The following BRF1 variants were observed in gnomAD, a reference collection of about 807,000 sequenced individuals.
The protein encoded by BRF1 is transcription factor IIIB 90 kDa subunit.
In BRF1, 59 loss-of-function variants were observed where a neutral mutation model predicts 81.7. The ratio of observed to expected loss-of-function variants is 0.72; its 90% confidence interval spans 0.59 to 0.90. The LOEUF (loss-of-function observed/expected upper bound fraction) is 0.90. Among genes scored for constraint, BRF1 ranks in the 40% least tolerant of loss-of-function variants. BRF1 has a pLI of 0.00. For missense variants in BRF1, 1,050 were observed against 936.3 expected, an observed-to-expected ratio of 1.12 and a Z score of -1.58; for synonymous variants, 491 against 395.6, an observed-to-expected ratio of 1.24 and a Z score of -2.86.
At chr14:105,252,005 GA>G (rs932330408) in intron 5 of BRF1, among the ~76,000 whole-genome samples, 19 of 152,222 alleles carry the variant, frequency 1.2e-4, no homozygotes, top group Admixed American at 1.0e-3. Context: ...GCTGTGGCTG[GA>G]AAGCACAACC....
chr14:105,274,362 C>T (rs1430296227), intron 2 of BRF1, among the ~76,000 whole-genome samples: 1 of 152,188 alleles, frequency 6.6e-6, no homozygotes, highest in Non-Finnish European at 1.5e-5. Flanking sequence ...TGCCGGTCCC[C>T]TGGCCCCACT....
chr14:105,252,263 C>T, intron 5 of BRF1: 1 of 616,484 alleles, frequency 1.6e-6, no homozygotes, highest in African/African-American at 2.0e-5. Context: ...TCACTTGAGG[C>T]CAGGAGTTTG....
intron 3 of BRF1, among the ~76,000 whole-genome samples, chr14:105,267,424 C>G (rs1005156688): frequency 6.6e-6 from 1 of 152,066 alleles, no homozygotes; most frequent in Non-Finnish European, 1.5e-5. Flanking sequence ...CCACCTCAGC[C>G]TCCCCAGTAG....
At chr14:105,247,914 G>GA (rs2055233361) in intron 5 of BRF1, 2 of 985,386 alleles carry the variant, frequency 2.0e-6, no homozygotes, top group Admixed American at 1.2e-4. Context: ...CCCAGGCCGG[G>GA]AGGCTAGAGG....
chr14:105,224,620 C>G (rs1892799087), intron 10 of BRF1, among the ~76,000 whole-genome samples: 1 of 152,212 alleles, frequency 6.6e-6, no homozygotes. Flanking sequence ...GCAATCATAG[C>G]TCACTGCACA....
At chr14:105,219,313 G>A (rs747623243) in intron 12 of BRF1, 81 bp from the exon 13 acceptor site, 1 of 1,585,188 alleles carries the variant, frequency 6.3e-7, no homozygotes, top group Non-Finnish European at 8.6e-7. Context: ...CCAGCGGGAA[G>A]TATTTCCACC....
rs930993860 is a variant in BRF1, at chr14:105,269,226, C to T, written c.439+3495G>A. Reference sequence around the variant, plus strand: ...CCTGACCCACTTCCCTCTAAAGTGCCGGCAAAGCAGGGGTGGGCTGGGAAG... The same window carrying T: ...CCTGACCCACTTCCCTCTAAAGTGCTGGCAAAGCAGGGGTGGGCTGGGAAG... On this transcript the variant is annotated intron_variant, in intron 3 of 17. Coordinates refer to ENST00000547530, the MANE Select transcript of BRF1 (RefSeq NM_001519.4). The surrounding 1 kb of genome is among the most constrained non-coding windows in gnomAD (Gnocchi z 5.0). Among the ~76,000 whole-genome samples the T allele has an allele frequency of 3.3e-5, 5 of 152,072 alleles. No individual in the cohort carries two copies. Among genetic ancestry groups the T allele is most frequent in the African/African-American group, 1.2e-4 (5 of 41,416 alleles).
At chr14:105,243,641 T>C (rs1016403974) in intron 5 of BRF1, among the ~76,000 whole-genome samples, 1 of 150,956 alleles carries the variant, frequency 6.6e-6, no homozygotes, top group African/African-American at 2.4e-5. Flanking sequence ...TGTACTAATG[T>C]GGGTGAGACT....
intron 7 of BRF1, chr14:105,228,130 CAG>C (rs1399763352): frequency 2.0e-5 from 3 of 152,182 alleles, no homozygotes; most frequent in Non-Finnish European, 4.4e-5. Flanking sequence ...CTCACTGGGA[CAG>C]GGGTCACCTG....
chr14:105,309,267 C>G lies in BRF1; in HGVS notation c.-162+6055G>C, dbSNP rs2058279649. The stretch of plus-strand genomic sequence containing the variant: ...TCTTAATCTTGGGGCTCAGGATAAC[C>G]ACAGTCAAGAGGGGAGAGTTTTATT... On this transcript the variant is annotated intron_variant, in intron 1 of 17. Coordinates refer to the BRF1 transcript ENST00000327359. The surrounding 1 kb of genome is among the most constrained non-coding windows in gnomAD (Gnocchi z 4.0). 6.6e-6 allele frequency among the ~76,000 whole-genome samples: 1 copy of G among 152,138 alleles called. No homozygotes were observed. Among genetic ancestry groups the G allele is most frequent in the Non-Finnish European group, 1.5e-5 (1 of 68,036 alleles).
intron 15 of BRF1, among the ~76,000 whole-genome samples, chr14:105,214,525 C>CGTGGCTCAGCTGCCCACACCCCTGA (rs1566795296): frequency 0.011 from 647 of 58,410 alleles, 6 homozygotes; most frequent in African/African-American, 0.073. Context: ...CACACCCCTG[C>CGTGGCTCAGCTGCCCACACCCCTGA]GTGGCTCAGC....
intron 3 of BRF1, among the ~76,000 whole-genome samples, chr14:105,261,088 G>A (rs2056129408): frequency 6.6e-6 from 1 of 152,234 alleles, no homozygotes; most frequent in Non-Finnish European, 1.5e-5. Flanking sequence ...GCAGAGAAGA[G>A]GCCCTGTCTG....
chr14:105,258,259 T>C (rs1019223435), intron 3 of BRF1, among the ~76,000 whole-genome samples: 1 of 152,080 alleles, frequency 6.6e-6, no homozygotes, highest in African/African-American at 2.4e-5. Flanking sequence ...GAGGCCGAGG[T>C]GGGTGGATCA....
chr14:105,228,194 C>A (rs2054140616), intron 7 of BRF1: 1 of 152,318 alleles, frequency 6.6e-6, no homozygotes, highest in African/African-American at 2.4e-5. Flanking sequence ...GACCAGGCTT[C>A]TGACGTCAAA....
At chr14:105,303,579 G>C (rs186215647), upstream of BRF1, among the ~76,000 whole-genome samples, 1 of 152,254 alleles carries the variant, frequency 6.6e-6, no homozygotes, top group East Asian at 1.9e-4. Flanking sequence ...TGAAATCATT[G>C]ATTTAAGATC....
chr14:105,225,044 C>T (rs760721054), intron 10 of BRF1, among the ~76,000 whole-genome samples: 36 of 152,240 alleles, frequency 2.4e-4, no homozygotes, highest in Non-Finnish European at 4.3e-4. Flanking sequence ...CAAGTGGGCC[C>T]AGGCCGCAGG....
chr14:105,293,193 C>T (rs61996222), intron 1 of BRF1, among the ~76,000 whole-genome samples: 2,876 of 152,324 alleles, frequency 0.019, 47 homozygotes, highest in Non-Finnish European at 0.03. Context: ...AGAGGCTGGC[C>T]GGTCACATCC....
chr14:105,241,072 G>T (rs1242423218), intron 6 of BRF1, among the ~76,000 whole-genome samples, 193 bp downstream of exon 6: 1 of 152,216 alleles, frequency 6.6e-6, no homozygotes, highest in Non-Finnish European at 1.5e-5. Flanking sequence ...ACACGCAGAG[G>T]CCAACGGGGC....
Position 105,210,503 on chromosome 14 carries a change from G to C in BRF1, c.*48C>G. 1.9e-6 allele frequency: 3 copies of C among 1,602,734 alleles called. No individual in the cohort carries two copies. The highest frequency in any genetic ancestry group is 1.7e-4 in the Middle Eastern group (1 of 6,030). On this transcript the variant is annotated 3_prime_UTR_variant, in exon 18 of 18. Coordinates refer to ENST00000547530, the MANE Select transcript of BRF1 (RefSeq NM_001519.4). This position sits in a 1 kb window ranked among gnomAD's most constrained non-coding sequence, Gnocchi z 4.7. ...CTGGAAGCCCGTCTGATGCTGAGGA[G>C]ACCCGCGAGGCCCCCTGCCAGGACA...
Sources: gnomAD v4.1 joint callset for allele counts (sites outside exome capture counted in the v4.1 genomes callset) on GRCh38, gnomAD v4.1.1 for gene constraint, Gnocchi (gnomAD v3.1) non-coding constraint, MANE v1.5 for transcripts, NCBI Gene and HGNC (gene_info 2026-07-23, HGNC 2026-07-21) for gene names.